Variants in FGF14 observed in about 807,000 individuals in gnomAD.
The protein encoded by FGF14 is fibroblast growth factor 14, also known as fibroblast growth factor homologous factor 4.
Under a neutral mutation model 25.5 loss-of-function variants are expected in FGF14, and 5 were observed. The observed-to-expected ratio is 0.20, with a 90% CI of 0.10 to 0.41. The LOEUF is 0.41. Among genes scored for constraint, FGF14 ranks in the 10% least tolerant of loss-of-function variants. The pLI is 1.00. For missense variants in FGF14, 222 were observed against 320.1 expected, an observed-to-expected ratio of 0.69 and a Z score of 2.34; for synonymous variants, 138 against 118.3, an observed-to-expected ratio of 1.17 and a Z score of -1.08.
intron 1 of FGF14, among the ~76,000 whole-genome samples, chr13:102,143,313 A>T (rs535513263): frequency 1.2e-3 from 181 of 152,280 alleles, no homozygotes; most frequent in African/African-American, 4.3e-3. Context: ...CCAGGTGGCA[A>T]AATAACTATT....
intron 1 of FGF14, among the ~76,000 whole-genome samples, chr13:102,063,799 G>A (rs1244583960): frequency 6.6e-6 from 1 of 152,046 alleles, no homozygotes. Flanking sequence ...AGAATTTGCA[G>A]ATAATATGCC....
chr13:102,226,263 T>G (rs1362933237), intron 1 of FGF14, among the ~76,000 whole-genome samples: 2 of 152,166 alleles, frequency 1.3e-5, no homozygotes, highest in African/African-American at 4.8e-5. Flanking sequence ...GACTTTTCCA[T>G]GCCTCAGTTT....
intron 1 of FGF14, among the ~76,000 whole-genome samples, chr13:101,904,731 T>C (rs1257087243): frequency 6.6e-6 from 1 of 152,222 alleles, no homozygotes; most frequent in Non-Finnish European, 1.5e-5. Context: ...TCAGTTTCAC[T>C]TGACTATACA....
intron 1 of FGF14, among the ~76,000 whole-genome samples, chr13:102,365,208 A>C (rs2139062800): frequency 6.6e-6 from 1 of 152,212 alleles, no homozygotes; most frequent in African/African-American, 2.4e-5. Context: ...AGAATCTCAA[A>C]GTCTGGGTCC....
chr13:101,918,796 G>T (rs76179436), upstream of FGF14, among the ~76,000 whole-genome samples: 2,560 of 152,030 alleles, frequency 0.017, 26 homozygotes, highest in Non-Finnish European at 0.027. Context: ...CTAAGGCAGG[G>T]ATCATTGGCT....
chr13:101,855,014 C>T (rs1041932289), intron 3 of FGF14, among the ~76,000 whole-genome samples: 2 of 151,882 alleles, frequency 1.3e-5, no homozygotes, highest in African/African-American at 2.4e-5. Flanking sequence ...AAGACTTTGT[C>T]TTATTAGTTC....
rs866454560 is a variant in FGF14, at chr13:101,714,664, G to A, written c.*8167C>T. 5.8e-6 allele frequency: 4 copies of A among 692,684 alleles called. No homozygotes were observed. Among genetic ancestry groups the A allele is most frequent in the Middle Eastern group, 2.5e-4 (1 of 4,056 alleles). The allele number at this position is 692,684 out of a possible 1,614,324, so 42.9% of individuals were successfully genotyped here. A position where few individuals can be genotyped will look rare whatever the true frequency, so the allele number is the denominator to read the frequency against. ...GACCAACAGGGCCAACCGTGAATAT[G>A]AAATATCTACCAAAGGCGAAGTGGG... On this transcript the variant is annotated 3_prime_UTR_variant, in exon 5 of 5. Coordinates refer to ENST00000376143, the MANE Select transcript of FGF14 (RefSeq NM_004115.4).
Position 101,712,442 on chromosome 13 carries a change from A to G in FGF14, c.*10389T>C, listed in dbSNP as rs868641524. On this transcript the variant is annotated 3_prime_UTR_variant, in exon 5 of 5. Transcript: ENST00000376143. ...TATGGCATGAAGCTAAGCATTCCAG[A>G]AGCAAGAGCAGTGATTAGAATAGTT... The G allele has an allele frequency of 2.6e-5, 4 of 152,216 alleles. No homozygotes were observed. The highest frequency in any genetic ancestry group is 9.6e-5 in the African/African-American group (4 of 41,458). The allele number at this position is 152,216 out of a possible 1,614,324, so 9.4% of individuals were successfully genotyped here.
intron 1 of FGF14, among the ~76,000 whole-genome samples, chr13:102,338,537 A>G (rs144567788): frequency 2.0e-5 from 3 of 152,352 alleles, no homozygotes; most frequent in East Asian, 1.9e-4. Context: ...TTTAATGAAC[A>G]TAAGTAGAAA....
chr13:102,320,863 C>CTATTTCCT (rs1199356755), intron 1 of FGF14, among the ~76,000 whole-genome samples: 3 of 152,162 alleles, frequency 2.0e-5, no homozygotes, highest in African/African-American at 7.2e-5. Context: ...ACCTCATTTC[C>CTATTTCCT]TATTTCCTTC....
chr13:101,930,134 C>T (rs1406670032), intron 1 of FGF14, among the ~76,000 whole-genome samples: 3 of 152,110 alleles, frequency 2.0e-5, no homozygotes, highest in Admixed American at 6.5e-5. Flanking sequence ...TTTTCCCTTC[C>T]CTTCCTGTTT....
At chr13:101,998,421 C>G (rs1387501745) in intron 1 of FGF14, among the ~76,000 whole-genome samples, 1 of 152,044 alleles carries the variant, frequency 6.6e-6, no homozygotes, top group African/African-American at 2.4e-5. Context: ...GTCATACAAA[C>G]CAGAACTCTT....
At chr13:102,084,120 A>T (rs930454838) in intron 1 of FGF14, among the ~76,000 whole-genome samples, 6 of 152,116 alleles carry the variant, frequency 3.9e-5, no homozygotes, top group Non-Finnish European at 8.8e-5. Flanking sequence ...CATATTCAGA[A>T]GGTGAAGTCC....
intron 1 of FGF14, among the ~76,000 whole-genome samples, chr13:102,165,257 C>T (rs906953229): frequency 4.0e-5 from 6 of 151,874 alleles, no homozygotes; most frequent in Admixed American, 1.3e-4. Context: ...GTCAGTGTGG[C>T]GATTCCTCAG....
At chr13:102,273,267 C>T (rs968612228) in intron 1 of FGF14, among the ~76,000 whole-genome samples, 1 of 152,098 alleles carries the variant, frequency 6.6e-6, no homozygotes, top group Non-Finnish European at 1.5e-5. Flanking sequence ...ACCACTGATC[C>T]GTCGACTAAT....
intron 3 of FGF14, among the ~76,000 whole-genome samples, chr13:101,826,078 T>C (rs908161456): frequency 6.6e-6 from 1 of 152,262 alleles, no homozygotes; most frequent in East Asian, 1.9e-4. Flanking sequence ...GTAACTTTTA[T>C]CTATCATTTT....
intron 1 of FGF14, among the ~76,000 whole-genome samples, chr13:102,114,170 C>T (rs1043327173): frequency 6.6e-5 from 10 of 152,284 alleles, no homozygotes; most frequent in Middle Eastern, 6.8e-3. Context: ...TGATTAGTGA[C>T]ATTGGGCATT....
At chr13:102,078,819 T>G (rs992490332) in intron 1 of FGF14, among the ~76,000 whole-genome samples, 1 of 152,218 alleles carries the variant, frequency 6.6e-6, no homozygotes, top group Non-Finnish European at 1.5e-5. Flanking sequence ...GCAAAGAGTT[T>G]TAAGGAAGAA....
chr13:102,223,055 G>A (rs1316869442), intron 1 of FGF14, among the ~76,000 whole-genome samples: 1 of 152,118 alleles, frequency 6.6e-6, no homozygotes, highest in African/African-American at 2.4e-5. Flanking sequence ...GAATATGCTA[G>A]CTTTCACTTT....
Sources: allele counts gnomAD v4.1 joint callset (sites outside exome capture counted in the v4.1 genomes callset), GRCh38; gene constraint gnomAD v4.1.1; transcripts MANE v1.5; gene names NCBI Gene and HGNC (gene_info 2026-07-23, HGNC 2026-07-21).